NFE2L2: variants seen among roughly 807,000 people sequenced by gnomAD.
NFE2L2 encodes the protein NFE2 like bZIP transcription factor 2.
Under a neutral mutation model 49.6 loss-of-function variants are expected in NFE2L2, and 20 were observed. That is an observed-to-expected ratio of 0.40 (90% CI 0.28 to 0.59). The LOEUF is 0.59. Ranked by LOEUF, NFE2L2 falls within the 20% of genes least tolerant of loss-of-function variation. The pLI is 0.40. For missense variants in NFE2L2, 578 were observed against 714.2 expected, an observed-to-expected ratio of 0.81 and a Z score of 2.17; for synonymous variants, 244 against 256.5, an observed-to-expected ratio of 0.95 and a Z score of 0.47.
intron 1 of NFE2L2, among the ~76,000 whole-genome samples, chr2:177,239,664 G>A (rs1357435317): frequency 6.6e-6 from 1 of 152,148 alleles, no homozygotes; most frequent in African/African-American, 2.4e-5. Flanking sequence ...GTAACAAAGT[G>A]AGACCTTGTC....
rs1057106 is a variant in NFE2L2 at position 177,230,350 on chromosome 2, A to G, written c.*435T>C. The G allele has an allele frequency of 2.4e-5, 5 of 204,882 alleles. No homozygotes were observed. Among genetic ancestry groups the G allele is most frequent in the Non-Finnish European group, 4.9e-5 (5 of 101,804 alleles). The allele number at this position is 204,882 out of a possible 1,614,324, so 12.7% of individuals were successfully genotyped here. A position where few individuals can be genotyped will look rare whatever the true frequency, so the allele number is the denominator to read the frequency against. ...TCCTTTATTAGTACCAGCTCTTAAA[A>G]TTTTTTTTTTTTGCCAGAGCTAAAC... On this transcript the variant is annotated 3_prime_UTR_variant, in exon 5 of 5. Coordinates refer to ENST00000397062, the MANE Select transcript of NFE2L2 (RefSeq NM_006164.5).
chr2:177,234,112 C>T lies in NFE2L2; in HGVS notation c.205G>A (p.Ala69Thr), dbSNP rs774072476. ...TCTAGTTGTAACTGAGCGAAAAAGG[C>T]TTTCTCTTGCTCCTTTTGGAGTTGT... ...QEQLQKEQEK[A>T]FFAQLQLDEE... Residue 69 changes from alanine (A) to threonine (T), a missense_variant, in exon 2 of 5, where the codon GCC (alanine) becomes ACC (threonine). By Grantham distance (58) the Ala-to-Thr change is moderately conservative (BLOSUM62 0). This residue lies in a region of NFE2L2 where 93 missense variants were observed against 153.9 expected (regional missense o/e 0.60). Transcript: ENST00000397062. 3.1e-6 allele frequency: 5 copies of T among 1,614,150 alleles called. No homozygotes were observed. The highest frequency in any genetic ancestry group is 1.7e-6 in the Non-Finnish European group (2 of 1,180,018).
At chr2:177,262,767 G>A (rs574171810) in intron 1 of NFE2L2, among the ~76,000 whole-genome samples, 1 of 152,292 alleles carries the variant, frequency 6.6e-6, no homozygotes, top group South Asian at 2.1e-4. Flanking sequence ...GACAATTCCG[G>A]AAATCAGAAA....
intron 1 of NFE2L2, among the ~76,000 whole-genome samples, chr2:177,258,964 T>C (rs2364721): frequency 0.025 from 3,804 of 152,314 alleles, 162 homozygotes; most frequent in African/African-American, 0.087. Flanking sequence ...ATACAGGCTG[T>C]TGATGGACTG....
intron 1 of NFE2L2, among the ~76,000 whole-genome samples, chr2:177,264,176 C>T (rs1690853894): frequency 6.6e-6 from 1 of 152,148 alleles, no homozygotes; most frequent in South Asian, 2.1e-4. Flanking sequence ...CCTCTTGCCC[C>T]GCCGCCCACC....
Position 177,230,365 on chromosome 2 carries a change from C to A in NFE2L2, c.*420G>T. On this transcript the variant is annotated 3_prime_UTR_variant, in exon 5 of 5. Transcript: ENST00000397062. ...AGCTCTTAAAATTTTTTTTTTTTGC[C>A]AGAGCTAAACAATTTAATATAAAAA... 1 of 230,570 alleles carries A rather than the reference C, an allele frequency of 4.3e-6. No homozygotes were observed. The highest frequency in any genetic ancestry group is 8.5e-6 in the Non-Finnish European group (1 of 116,998). The allele number at this position is 230,570 out of a possible 1,614,324, so 14.3% of individuals were successfully genotyped here. A position where few individuals can be genotyped will look rare whatever the true frequency, so the allele number is the denominator to read the frequency against.
chr2:177,242,793 A>G (rs1036963138), intron 1 of NFE2L2, among the ~76,000 whole-genome samples: 1 of 152,240 alleles, frequency 6.6e-6, no homozygotes, highest in Non-Finnish European at 1.5e-5. Context: ...AAGATGTCAG[A>G]AAAAAAGTTA....
At chr2:177,260,761 C>G (rs1013174953) in intron 1 of NFE2L2, among the ~76,000 whole-genome samples, 1 of 151,608 alleles carries the variant, frequency 6.6e-6, no homozygotes, top group African/African-American at 2.4e-5. Flanking sequence ...GCAAGGCAAA[C>G]AAAGGCAAAG....
At position 177,247,911 on chromosome 2, in the gene NFE2L2, G is replaced by C. The variant is rs573925988; in HGVS notation, c.46-13640C>G. 1.7e-4 allele frequency among the ~76,000 whole-genome samples: 26 copies of C among 152,238 alleles called. 1 individual carries two copies. In the East Asian group the frequency reaches 4.6e-3, roughly 27 times the overall value. ...GGCAAAGTCTCAGGAACACTCAAAC[G>C]TGACAGGCAAAATCAGTAAGCTCAG... On this transcript the variant is annotated intron_variant, in intron 1 of 4. Transcript: ENST00000397062.
intron 1 of NFE2L2, among the ~76,000 whole-genome samples, chr2:177,236,710 C>T (rs1275581629): frequency 2.0e-5 from 3 of 152,292 alleles, no homozygotes; most frequent in Non-Finnish European, 2.9e-5. Context: ...CTGCAAATAA[C>T]CTATGCATAT....
chr2:177,251,285 C>G (rs1301658895), intron 1 of NFE2L2, among the ~76,000 whole-genome samples: 1 of 152,168 alleles, frequency 6.6e-6, no homozygotes, highest in Non-Finnish European at 1.5e-5. Flanking sequence ...GACAAAGCCA[C>G]CCAGGCCAGC....
At chr2:177,254,223 G>A (rs1301616705) in intron 1 of NFE2L2, among the ~76,000 whole-genome samples, 2 of 152,122 alleles carry the variant, frequency 1.3e-5, no homozygotes, top group Non-Finnish European at 2.9e-5. Flanking sequence ...ATTAAATGTT[G>A]CTCTGTGTGA....
At chr2:177,239,949 TAAAA>T (rs57941264) in intron 1 of NFE2L2, among the ~76,000 whole-genome samples, 5 of 135,412 alleles carry the variant, frequency 3.7e-5, no homozygotes, top group Non-Finnish European at 3.2e-5. Flanking sequence ...AGCTTTATGT[TAAAA>T]AAAAAAAAAA....
At chr2:177,263,869 C>T in intron 1 of NFE2L2, 1 of 985,540 alleles carries the variant, frequency 1.0e-6, no homozygotes, top group Non-Finnish European at 1.2e-6. Context: ...GGCGCTCCTC[C>T]CTCGTCCCGG....
intron 1 of NFE2L2, among the ~76,000 whole-genome samples, chr2:177,240,825 T>C (rs1168622273): frequency 6.6e-6 from 1 of 152,214 alleles, no homozygotes; most frequent in Admixed American, 6.5e-5. Context: ...CCAGCATCTA[T>C]CATGCTTAGA....
rs1689515041 is a variant in NFE2L2, at chr2:177,230,805, G to C, written c.1798C>G (p.Pro600Ala). The C allele has an allele frequency of 6.3e-7, 1 of 1,586,980 alleles. No individual in the cohort carries two copies. Among genetic ancestry groups the C allele is most frequent in the Non-Finnish European group, 8.5e-7 (1 of 1,171,842 alleles). ...TAAATCTAGTTTTTCTTAACATCTG[G>C]CTTCTTACTTTTGGGAACAAGGAAA... ...NVFLVPKSKK[P>A]DVKKN The change falls in exon 5 of 5, where the codon CCA (proline) becomes GCA (alanine). Residue 600 changes from proline (P) to alanine (A), a missense_variant. Pro to Ala is a conservative substitution (Grantham distance 27). Around this residue, in one of 3 missense-constraint regions of NFE2L2, gnomAD observed 117 missense variants for 175.8 expected, o/e 0.67. Transcript: ENST00000397062.
chr2:177,263,927 G>A (rs1457673561), intron 1 of NFE2L2: 1 of 985,642 alleles, frequency 1.0e-6, no homozygotes, highest in Non-Finnish European at 1.2e-6. Flanking sequence ...TGATCCGAGA[G>A]ATGGATGACT....
intron 1 of NFE2L2, among the ~76,000 whole-genome samples, chr2:177,254,222 T>C (rs1690438786): frequency 6.6e-6 from 1 of 152,230 alleles, no homozygotes; most frequent in South Asian, 2.1e-4. Flanking sequence ...TATTAAATGT[T>C]GCTCTGTGTG....
Position 177,233,258 on chromosome 2 carries a change from C to A in NFE2L2, c.394G>T (p.Asp132Tyr). The A allele has an allele frequency of 6.3e-7, 1 of 1,590,600 alleles. No homozygotes were observed. The highest frequency in any genetic ancestry group is 1.2e-5 in the South Asian group (1 of 86,314). ...GTTATTTTATACCTCACCTCATTGT[C>A]ATCTACAAACGGGAATGTCTGCGCC... ...LLAQTFPFVD[D>Y]NEVSSATFQS... The change falls in exon 3 of 5, where the codon GAC (aspartate) becomes TAC (tyrosine). Residue 132 changes from aspartate (D) to tyrosine (Y), a missense_variant. Asp to Tyr is a radical substitution (Grantham distance 160). Transcript: ENST00000397062.
Sources: allele counts gnomAD v4.1 joint callset (sites outside exome capture counted in the v4.1 genomes callset), GRCh38; gene constraint gnomAD v4.1.1; regional missense constraint gnomAD v4.1.1; transcripts MANE v1.5; gene names NCBI Gene and HGNC (gene_info 2026-07-23, HGNC 2026-07-21).